NHSL1: variants seen among roughly 807,000 people sequenced by gnomAD.
NHSL1 encodes NHS like 1.
Under a neutral mutation model 95.0 loss-of-function variants are expected in NHSL1, and 48 were observed. That is an observed-to-expected ratio of 0.51 (90% CI 0.40 to 0.64). The LOEUF is 0.64. Ranked by LOEUF, NHSL1 falls within the 30% of genes least tolerant of loss-of-function variation. The pLI, the probability that NHSL1 is intolerant of heterozygous loss-of-function variation, is 0.00. For synonymous variants in NHSL1, 783 were observed against 833.9 expected, an observed-to-expected ratio of 0.94 and a Z score of 1.05; for missense variants, 1,971 against 2,077.7, an observed-to-expected ratio of 0.95 and a Z score of 1.00.
At chr6:138,438,719 A>G (rs1400791173) in intron 5 of NHSL1, among the ~76,000 whole-genome samples, 1 of 152,184 alleles carries the variant, frequency 6.6e-6, no homozygotes, top group Non-Finnish European at 1.5e-5. Context: ...AATATTTACA[A>G]GTTAGTTTAT....
chr6:138,680,133 T>C (rs1235650967), intron 1 of NHSL1, among the ~76,000 whole-genome samples: 2 of 152,220 alleles, frequency 1.3e-5, no homozygotes, highest in Non-Finnish European at 2.9e-5. Context: ...AAAACTTACA[T>C]AGTGGGTTAC....
intron 1 of NHSL1, among the ~76,000 whole-genome samples, chr6:138,660,248 T>G (rs58880192): frequency 0.099 from 15,032 of 152,198 alleles, 943 homozygotes; most frequent in African/African-American, 0.18. Flanking sequence ...CTTTATTCAT[T>G]TTGTATACTT....
At chr6:138,471,761 T>TA (rs908354595) in intron 3 of NHSL1, among the ~76,000 whole-genome samples, 8 of 150,744 alleles carry the variant, frequency 5.3e-5, no homozygotes, top group South Asian at 4.2e-4. Context: ...TGTCTTGCCG[T>TA]AAAAAAAAAG....
upstream of NHSL1, among the ~76,000 whole-genome samples, chr6:138,573,556 G>A (rs1369721366): frequency 1.3e-5 from 2 of 152,190 alleles, no homozygotes; most frequent in African/African-American, 2.4e-5. Flanking sequence ...AGCTTACTGG[G>A]ACAGGAACAC....
intron 5 of NHSL1, among the ~76,000 whole-genome samples, chr6:138,437,957 T>C (rs1776296743): frequency 6.6e-6 from 1 of 152,206 alleles, no homozygotes; most frequent in South Asian, 2.1e-4. Flanking sequence ...TTTCTTGAGA[T>C]GGACTCTACT....
chr6:138,571,793 C>A, exon 1 of NHSL1: 1 of 1,552,242 alleles, frequency 6.4e-7, no homozygotes, highest in Non-Finnish European at 8.7e-7. Context: ...TCCATCACTG[C>A]GAAACAGCCT....
At chr6:138,682,120 C>A (rs1167792568) in intron 1 of NHSL1, among the ~76,000 whole-genome samples, 1 of 151,890 alleles carries the variant, frequency 6.6e-6, no homozygotes. Flanking sequence ...ATTACAGGCA[C>A]CTGCTACCAA....
At chr6:138,610,785 A>G (rs1294681393) in intron 1 of NHSL1, among the ~76,000 whole-genome samples, 1 of 152,108 alleles carries the variant, frequency 6.6e-6, no homozygotes, top group Non-Finnish European at 1.5e-5. Context: ...TCTGAAAATA[A>G]AGGCATTATT....
intron 3 of NHSL1, among the ~76,000 whole-genome samples, chr6:138,463,504 CTTTT>C (rs61234570): frequency 1.6e-4 from 21 of 129,358 alleles, no homozygotes; most frequent in African/African-American, 2.8e-4. Context: ...GTGCGATGTT[CTTTT>C]TTTTTTTTTT....
chr6:138,666,590 C>CAAAAAAAA (rs10564684), intron 1 of NHSL1, among the ~76,000 whole-genome samples: 3 of 89,308 alleles, frequency 3.4e-5, no homozygotes, highest in Non-Finnish European at 6.5e-5. Flanking sequence ...GCCTCCATCT[C>CAAAAAAAA]AAAAAAAAAA....
intron 1 of NHSL1, among the ~76,000 whole-genome samples, chr6:138,661,511 G>A (rs1341836709): frequency 6.8e-5 from 10 of 147,694 alleles, no homozygotes; most frequent in Non-Finnish European, 1.3e-4. Context: ...AAAAAAAAAA[G>A]ATTAGCTGGG....
intron 1 of NHSL1, among the ~76,000 whole-genome samples, chr6:138,521,547 C>G (rs543456568): frequency 3.9e-5 from 6 of 152,250 alleles, no homozygotes; most frequent in African/African-American, 1.4e-4. Context: ...TTCTGGATTG[C>G]AATCCCCTGC....
chr6:138,550,953 C>G (rs780889593), intron 1 of NHSL1, among the ~76,000 whole-genome samples: 1 of 152,176 alleles, frequency 6.6e-6, no homozygotes, highest in Non-Finnish European at 1.5e-5. Flanking sequence ...AAGTACAGTA[C>G]AGTAGTCCTC....
Position 138,447,068 on chromosome 6 carries a change from T to C in NHSL1, c.465A>G (p.Thr155=). Residue 155 remains threonine, a synonymous_variant, in exon 4 of 8, where the codon ACA becomes ACG. Coordinates refer to ENST00000343505, the MANE Select transcript of NHSL1 (RefSeq NM_001144060.2). ...CTTGCTGTCGCATCTTCTCTTCTGG[T>C]GTTGGCAGTGGAAGCGACTTGGTCC... ...TNWTKSLPLP[T]PEEKMRQQAQ... is the part of the protein sequence containing the mutation. The C allele has an allele frequency of 6.4e-7, 1 of 1,551,710 alleles. No homozygotes were observed. The highest frequency in any genetic ancestry group is 8.7e-7 in the Non-Finnish European group (1 of 1,147,008).
At chr6:138,473,476 G>T in intron 2 of NHSL1, 43 bp from the exon 3 acceptor site, 3 of 1,394,152 alleles carry the variant, frequency 2.2e-6, no homozygotes, top group East Asian at 5.5e-5. Flanking sequence ...CCATTAAAAA[G>T]CTGTACTCCT....
intron 1 of NHSL1, chr6:138,650,857 G>A (rs929871902): frequency 2.6e-5 from 14 of 541,278 alleles, no homozygotes; most frequent in South Asian, 4.1e-5. Flanking sequence ...TGAAGAGGGC[G>A]TTGGACATCA....
chr6:138,590,267 G>A (rs145778091), intron 1 of NHSL1, among the ~76,000 whole-genome samples: 156 of 152,266 alleles, frequency 1.0e-3, no homozygotes, highest in African/African-American at 3.5e-3. Flanking sequence ...AAAAGTGCTG[G>A]GATTCCAGGC....
At chr6:138,599,701 A>C (rs527831554) in intron 1 of NHSL1, among the ~76,000 whole-genome samples, 1 of 152,304 alleles carries the variant, frequency 6.6e-6, no homozygotes, top group East Asian at 1.9e-4. Flanking sequence ...AGTTAAGTCC[A>C]ATCAGATCTC....
intron 3 of NHSL1, among the ~76,000 whole-genome samples, chr6:138,455,500 C>CGCCTTCACATGCTCCCTGCAAGAAGCCCT (rs1777536751): frequency 1.3e-5 from 1 of 76,136 alleles, no homozygotes; most frequent in Admixed American, 1.4e-4. Flanking sequence ...CAAGGAGCCC[C>CGCCTTCACATGCTCCCTGCAAGAAGCCCT]GCCTTCACAT....
Sources: allele counts gnomAD v4.1 joint callset (sites outside exome capture counted in the v4.1 genomes callset), GRCh38; gene constraint gnomAD v4.1.1; transcripts MANE v1.5; gene names NCBI Gene and HGNC (gene_info 2026-07-23, HGNC 2026-07-21).